CPLANE1: variants seen among roughly 807,000 people sequenced by gnomAD.
The protein encoded by CPLANE1 is ciliogenesis and planar polarity effector 1.
CPLANE1 carries 263 observed loss-of-function variants against 362.5 expected under a neutral mutation model. The observed-to-expected ratio is 0.73, with a 90% CI of 0.66 to 0.80. CPLANE1 has a LOEUF of 0.80. Ranked by LOEUF, CPLANE1 falls within the 30% of genes least tolerant of loss-of-function variation. The probability of loss-of-function intolerance (pLI) is 0.00; values close to 1 mark genes in which losing one functional copy is unlikely to be tolerated. For missense variants in CPLANE1, 3,461 were observed against 3,793.4 expected, an observed-to-expected ratio of 0.91 and a Z score of 2.30; for synonymous variants, 1,212 against 1,302.6, an observed-to-expected ratio of 0.93 and a Z score of 1.50.
At position 37,156,139 on chromosome 5, in the gene CPLANE1, G is replaced by A. The variant is rs368224395; in HGVS notation, c.8119+1174C>T. ...CCCACTGTCATTATACAATAATCAGGCAGAGCTAGACTCTGTGCCCAAGCA... is the reference window on the plus strand; with the variant it reads ...CCCACTGTCATTATACAATAATCAGACAGAGCTAGACTCTGTGCCCAAGCA... On this transcript the variant is annotated intron_variant, in intron 41 of 52. Coordinates refer to ENST00000651892, the MANE Select transcript of CPLANE1 (RefSeq NM_001384732.1). Among the ~76,000 whole-genome samples, 367 of 152,302 alleles carry A rather than the reference G, an allele frequency of 2.4e-3. 4 individuals are homozygous for A. Among genetic ancestry groups the A allele is most frequent in the African/African-American group, 8.2e-3 (341 of 41,564 alleles).
At chr5:37,195,722 A>G (rs927969247) in intron 21 of CPLANE1, 136 bp downstream of exon 21, 1 of 752,180 alleles carries the variant, frequency 1.3e-6, no homozygotes, top group Non-Finnish European at 2.0e-6. Flanking sequence ...CATAGCTGTT[A>G]AAGTACAATA....
At chr5:37,210,870 C>G (rs767514085) in intron 16 of CPLANE1, 1 of 801,192 alleles carries the variant, frequency 1.2e-6, no homozygotes, top group East Asian at 2.4e-5. Flanking sequence ...GTTCGAAAGC[C>G]GCAAACAAGC....
the CPLANE1 span, among the ~76,000 whole-genome samples, chr5:37,086,900 G>A: frequency 8.5e-5 from 13 of 152,288 alleles, no homozygotes; most frequent in East Asian, 2.5e-3. Context: ...GACCAACACT[G>A]CAAAGGAAGC....
intron 6 of CPLANE1, among the ~76,000 whole-genome samples, chr5:37,242,223 G>A (rs1223352566): frequency 5.3e-5 from 8 of 151,600 alleles, no homozygotes; most frequent in African/African-American, 1.7e-4. Context: ...GCCTGGTGGC[G>A]GGCACCTGTA....
chr5:37,169,056 T>C lies in CPLANE1; in HGVS notation c.6968A>G (p.Gln2323Arg), dbSNP rs369786012. 1 of 1,614,252 alleles carries C rather than the reference T, an allele frequency of 6.2e-7. No homozygotes were observed. The highest frequency in any genetic ancestry group is 1.3e-5 in the African/African-American group (1 of 75,070). The change falls in exon 34 of 53, where the codon CAA becomes CGA. Residue 2323 changes from glutamine (Q) to arginine (R), a missense_variant. Physicochemically the swap from Gln to Arg is conservative, Grantham distance 43 (BLOSUM62 1). Coordinates refer to ENST00000651892, the MANE Select transcript of CPLANE1 (RefSeq NM_001384732.1). ...NHVNLDQYVG[Q>R]ENLTPQQDSS... ...GTCCTGTTGAGGTGTCAAATTTTCT[T>C]GTCCAACATATTGATCCAAGTTCAC...
the CPLANE1 span, among the ~76,000 whole-genome samples, chr5:37,082,069 G>A: frequency 6.6e-6 from 1 of 151,170 alleles, no homozygotes; most frequent in Non-Finnish European, 1.5e-5. Context: ...CTCCAGCCTG[G>A]GCAACAAGAG....
At chr5:37,093,768 T>C in the CPLANE1 span, among the ~76,000 whole-genome samples, 959 of 152,212 alleles carry the variant, frequency 6.3e-3, 9 homozygotes, top group Non-Finnish European at 8.5e-3. Flanking sequence ...GGGAGAGATG[T>C]AGGGGTTCAG....
intron 46 of CPLANE1, 115 bp downstream of exon 46, chr5:37,138,605 C>A (rs1049237943): frequency 8.7e-6 from 10 of 1,148,308 alleles, no homozygotes; most frequent in Non-Finnish European, 1.1e-5. Flanking sequence ...AAAAAAAAAT[C>A]TATTCTAAGC....
Position 37,154,459 on chromosome 5 carries a change from C to CTTTTTTTTTTTTTTTTTTTT in CPLANE1, c.8120-486_8120-467dup, listed in dbSNP as rs35522666. ...TTCTTCTCCCAAATTTGCAATAGTT[C>CTTTTTTTTTTTTTTTTTTTT]TTTTTTTTTTTTTTTTTTTTTTTTA... On this transcript the variant is annotated intron_variant, in intron 41 of 52. Transcript: ENST00000651892. Among the ~76,000 whole-genome samples, 40 of 84,574 alleles carry CTTTTTTTTTTTTTTTTTTTT rather than the reference C, an allele frequency of 4.7e-4. 6 individuals are homozygous for CTTTTTTTTTTTTTTTTTTTT. The highest frequency in any genetic ancestry group is 1.8e-3 in the African/African-American group (31 of 17,644). The allele number at this position is 84,574 out of a possible 152,430, so 55.5% of individuals were successfully genotyped here.
intron 46 of CPLANE1, among the ~76,000 whole-genome samples, chr5:37,127,808 G>A (rs990567037): frequency 6.6e-6 from 1 of 151,846 alleles, no homozygotes; most frequent in African/African-American, 2.4e-5. Flanking sequence ...GAGCCACCGA[G>A]CCCAGCCATT....
chr5:37,226,938 T>G lies in CPLANE1; in HGVS notation c.1657A>C (p.Ile553Leu). ...RLEFASMFDT[I>L]HAKDDSEETD... Reference sequence around the variant, plus strand: ...TCCTCACTATCATCCTTTGCATGTATCGTATCAAACATAGATGCAAATTCC... The same window carrying G: ...TCCTCACTATCATCCTTTGCATGTAGCGTATCAAACATAGATGCAAATTCC... The change falls in exon 12 of 53, where the codon ATA becomes CTA. Residue 553 changes from isoleucine to leucine, a missense_variant. Physicochemically the swap from Ile to Leu is conservative, Grantham distance 5. Transcript: ENST00000651892. 6.4e-7 allele frequency: 1 copy of G among 1,551,980 alleles called. No individual in the cohort carries two copies. Among genetic ancestry groups the G allele is most frequent in the Non-Finnish European group, 8.7e-7 (1 of 1,147,018 alleles).
chr5:37,165,461 G>T, intron 36 of CPLANE1, 78 bp downstream of exon 36: 2 of 1,403,206 alleles, frequency 1.4e-6, no homozygotes, highest in Non-Finnish European at 2.0e-6. Context: ...CCAGCAATCA[G>T]ACTAGATAAA....
intron 18 of CPLANE1, among the ~76,000 whole-genome samples, chr5:37,203,286 T>C (rs1580700867): frequency 6.6e-6 from 1 of 152,234 alleles, no homozygotes; most frequent in Non-Finnish European, 1.5e-5. Context: ...TCATACGGTA[T>C]GTAGTCTTCG....
At chr5:37,200,046 G>A (rs1014066994) in intron 19 of CPLANE1, among the ~76,000 whole-genome samples, 7 of 152,232 alleles carry the variant, frequency 4.6e-5, no homozygotes, top group African/African-American at 1.7e-4. Flanking sequence ...CCCACAAGGG[G>A]AGCTAGTCTT....
intron 21 of CPLANE1, among the ~76,000 whole-genome samples, chr5:37,188,865 A>T (rs1178144745): frequency 6.6e-6 from 1 of 152,014 alleles, no homozygotes; most frequent in African/African-American, 2.4e-5. Context: ...TTTTATTATG[A>T]TTATTTTTTT....
At chr5:37,184,614 A>T (rs1783496526) in intron 25 of CPLANE1, among the ~76,000 whole-genome samples, 174 bp downstream of exon 25, 1 of 152,132 alleles carries the variant, frequency 6.6e-6, no homozygotes, top group Non-Finnish European at 1.5e-5. Flanking sequence ...TCGAATGTAT[A>T]GTCTCATTTT....
At chr5:37,190,816 T>C (rs1413382428) in intron 21 of CPLANE1, among the ~76,000 whole-genome samples, 2 of 152,204 alleles carry the variant, frequency 1.3e-5, no homozygotes, top group African/African-American at 4.8e-5. Flanking sequence ...CAGGTGTTTA[T>C]GGTGACAACT....
chr5:37,123,382 G>C (rs572734745), intron 47 of CPLANE1, among the ~76,000 whole-genome samples: 58 of 152,260 alleles, frequency 3.8e-4, no homozygotes, highest in African/African-American at 1.3e-3. Flanking sequence ...TAAAGGTCTT[G>C]TTGATTTCTA....
intron 44 of CPLANE1, chr5:37,140,275 A>G: frequency 1.0e-6 from 1 of 963,148 alleles, no homozygotes; most frequent in Middle Eastern, 5.3e-4. Flanking sequence ...ATCTTGAGAT[A>G]AACCAAATCT....
Sources: gnomAD v4.1 joint callset for allele counts (sites outside exome capture counted in the v4.1 genomes callset) on GRCh38, gnomAD v4.1.1 for gene constraint, MANE v1.5 for transcripts, NCBI Gene and HGNC (gene_info 2026-07-23, HGNC 2026-07-21) for gene names.